The following SLC12A5 variants were observed in gnomAD, a reference collection of about 807,000 sequenced individuals.
The protein encoded by SLC12A5 is K-Cl cotransporter 2.
SLC12A5 carries 18 observed loss-of-function variants against 124.0 expected under a neutral mutation model. The observed-to-expected ratio is 0.15, with a 90% CI of 0.10 to 0.22. SLC12A5 has a LOEUF of 0.22. Among genes scored for constraint, SLC12A5 ranks in the 10% least tolerant of loss-of-function variants. The pLI is 1.00. For missense variants in SLC12A5, 867 were observed against 1,478.7 expected (o/e 0.59, Z 6.78); for synonymous variants, 589 against 568.0 (o/e 1.04, Z -0.53).
upstream of SLC12A5, among the ~76,000 whole-genome samples, chr20:46,028,437 C>A (rs1481840183): frequency 6.6e-6 from 1 of 152,126 alleles, no homozygotes; most frequent in Admixed American, 6.5e-5. Context: ...TCAGAAGGTC[C>A]CTGGCTGTGG....
chr20:46,041,265 TGTATTG>T, intron 7 of SLC12A5, 58 bp from the exon 8 acceptor site: 1 of 1,425,868 alleles, frequency 7.0e-7, no homozygotes, highest in Middle Eastern at 2.3e-4. Flanking sequence ...TCCCGGTGGC[TGTATTG>T]TGCAGCGAGG....
At position 46,058,121 on chromosome 20, in the gene SLC12A5, T is replaced by C. The variant is rs2145510499; in HGVS notation, c.*516T>C. ...GGGCGCGGGCGGCCGAGCCTATACATAGTGTACAGGAGACATCGCGTGTAT... is the reference window on the plus strand; with the variant it reads ...GGGCGCGGGCGGCCGAGCCTATACACAGTGTACAGGAGACATCGCGTGTAT... On this transcript the variant is annotated 3_prime_UTR_variant, in exon 26 of 26. Coordinates refer to ENST00000243964, the MANE Select transcript of SLC12A5 (RefSeq NM_020708.5). This position sits in a 1 kb window ranked among gnomAD's most constrained non-coding sequence, Gnocchi z 5.8. The C allele has an allele frequency of 5.4e-6, 1 of 184,040 alleles. No individual in the cohort carries two copies. Among genetic ancestry groups the C allele is most frequent in the African/African-American group, 2.3e-5 (1 of 42,732 alleles). 11.4% of individuals were successfully genotyped at this position (184,040 alleles called of 1,614,324 possible). A position where few individuals can be genotyped will look rare whatever the true frequency, so the allele number is the denominator to read the frequency against.
At chr20:46,036,694 T>C in intron 4 of SLC12A5, 47 bp from the exon 5 acceptor site, 2 of 1,610,316 alleles carry the variant, frequency 1.2e-6, no homozygotes, top group Non-Finnish European at 1.7e-6. Context: ...CCCAGGCCAC[T>C]GCGGCCCCTA....
intron 1 of SLC12A5, 90 bp downstream of exon 1, chr20:46,029,486 C>G: frequency 7.3e-7 from 1 of 1,379,010 alleles, no homozygotes; most frequent in African/African-American, 1.4e-5. Flanking sequence ...CCACCTCCTT[C>G]AGAGAGGAGG....
Position 46,049,653 on chromosome 20 carries a change from C to G in SLC12A5, c.2044C>G (p.Gln682Glu), listed in dbSNP as rs1244371557. ...PQLLVLVRVD[Q>E]DQNVVHPQLL... ...GCTGCTGGTGCTGGTGCGTGTGGAC[C>G]AAGACCAGAATGTGGTGCACCCCCA... The change falls in exon 17 of 26, where the codon CAA becomes GAA. Residue 682 changes from glutamine (Q) to glutamate (E), a missense_variant. Gln to Glu is a conservative substitution (Grantham distance 29, BLOSUM62 2). Transcript: ENST00000243964. 1 of 1,606,220 alleles carries G rather than the reference C, an allele frequency of 6.2e-7. No homozygotes were observed. Among genetic ancestry groups the G allele is most frequent in the Non-Finnish European group, 8.5e-7 (1 of 1,176,644 alleles).
chr20:46,024,564 C>T (rs2084380901), upstream of SLC12A5, among the ~76,000 whole-genome samples: 1 of 152,178 alleles, frequency 6.6e-6, no homozygotes, highest in Non-Finnish European at 1.5e-5. Context: ...GGGATAGCAG[C>T]ATGTCTAAGA....
At chr20:46,027,750 A>G (rs2084412226), upstream of SLC12A5, 1 of 152,212 alleles carries the variant, frequency 6.6e-6, no homozygotes, top group African/African-American at 2.4e-5. Flanking sequence ...TATAAGTTCT[A>G]TCAATGAAGA....
intron 1 of SLC12A5, 126 bp downstream of exon 1, chr20:46,029,522 C>A: frequency 9.9e-7 from 1 of 1,012,466 alleles, no homozygotes; most frequent in East Asian, 2.8e-5. Flanking sequence ...GCGGTGGGCG[C>A]CAGTTGCAGC....
chr20:46,029,387 G>A lies in SLC12A5; in HGVS notation c.43G>A (p.Ala15Thr). ...GGACTGCGAGGACGGCGATGGGGGA[G>A]CCAACCCGGGTAAGCTGTGGTCCGG... ...LTDCEDGDGG[A>T]NPGDGNPKES... The change falls in exon 1 of 26, where the codon GCC becomes ACC. Residue 15 changes from alanine to threonine, a missense_variant. By Grantham distance (58) the Ala-to-Thr change is moderately conservative (BLOSUM62 0). This residue lies in a region of SLC12A5 where 58 missense variants were observed against 52.2 expected (regional missense o/e 1.11). Transcript: ENST00000243964. The A allele has an allele frequency of 6.5e-7, 1 of 1,549,446 alleles. No homozygotes were observed.
At chr20:46,048,600 G>A (rs575048688) in intron 16 of SLC12A5, among the ~76,000 whole-genome samples, 7 of 152,220 alleles carry the variant, frequency 4.6e-5, no homozygotes, top group African/African-American at 1.7e-4. Context: ...TGCCGAGCGC[G>A]GTGGCTCATG....
Position 46,046,428 on chromosome 20 carries a change from T to G in SLC12A5, c.1779T>G (p.Tyr593Ter). The change falls in exon 14 of 26, where the codon TAT (tyrosine) becomes TAG (stop). Residue 593 changes from tyrosine (Y) to a stop codon, truncating the protein, a stop_gained. Coordinates refer to ENST00000243964, the MANE Select transcript of SLC12A5 (RefSeq NM_020708.5). LOFTEE classifies it high-confidence loss of function. ...RTPNWRPRFRYYHWTLSFLGM... is the reference protein window; with the variant it reads ...RTPNWRPRFR ...CCAACTGGAGGCCACGCTTTCGATA[T>G]TACCACTGGTGGGTGCTCTGTCCCC... 1 of 1,614,122 alleles carries G rather than the reference T, an allele frequency of 6.2e-7. No homozygotes were observed. Among genetic ancestry groups the G allele is most frequent in the Non-Finnish European group, 8.5e-7 (1 of 1,179,968 alleles).
upstream of SLC12A5, among the ~76,000 whole-genome samples, chr20:46,026,122 C>T (rs1347067142): frequency 6.6e-6 from 1 of 152,184 alleles, no homozygotes. Context: ...CATTTTCAGA[C>T]TCCAATTTCA....
chr20:46,029,348 C>A lies in SLC12A5; in HGVS notation c.4C>A (p.Leu2Ile). The A allele has an allele frequency of 6.5e-7, 1 of 1,548,452 alleles. No individual in the cohort carries two copies. Among genetic ancestry groups the A allele is most frequent in the Non-Finnish European group, 8.7e-7 (1 of 1,146,052 alleles). M[L>I]NNLTDCEDGD... ...GACCAGGGGCCGCGCCGCCACCATG[C>A]TAAACAACCTGACGGACTGCGAGGA... Residue 2 changes from leucine (L) to isoleucine (I), a missense_variant, in exon 1 of 26, where the codon CTA (leucine) becomes ATA (isoleucine). By Grantham distance (5) the Leu-to-Ile change is conservative. Around this residue, in one of 9 missense-constraint regions of SLC12A5, gnomAD observed 58 missense variants for 52.2 expected, o/e 1.11. Transcript: ENST00000243964.
chr20:46,056,786 G>C lies in SLC12A5; in HGVS notation c.3111-111G>C. 1 of 1,286,268 alleles carries C rather than the reference G, an allele frequency of 7.8e-7. No homozygotes were observed. Among genetic ancestry groups the C allele is most frequent in the Non-Finnish European group, 1.1e-6 (1 of 888,690 alleles). 79.7% of individuals were successfully genotyped at this position (1,286,268 alleles called of 1,614,324 possible). A position where few individuals can be genotyped will look rare whatever the true frequency, so the allele number is the denominator to read the frequency against. On this transcript the variant is annotated intron_variant, in intron 23 of 25. Coordinates refer to ENST00000243964, the MANE Select transcript of SLC12A5 (RefSeq NM_020708.5). This position sits in a 1 kb window ranked among gnomAD's most constrained non-coding sequence, Gnocchi z 4.3. ...CGGAAAGGTGAAGGGTGTGGGGGCT[G>C]GCAGAGCAGGACTCAGGGCAGATGA...
At chr20:46,022,977 AGAGGAG>A (rs1160025944) in exon 2 of SLC12A5, 1 of 251,308 alleles carries the variant, frequency 4.0e-6, no homozygotes. Context: ...AGGAGGAGGA[AGAGGAG>A]GAGGAGGAAG....
chr20:46,035,654 A>G, intron 3 of SLC12A5, 119 bp downstream of exon 3: 1 of 1,504,160 alleles, frequency 6.6e-7, no homozygotes, highest in Non-Finnish European at 8.9e-7. Flanking sequence ...CAGAAAGAAG[A>G]GGGATGAAGG....
chr20:46,052,812 G>A (rs1439057833), intron 18 of SLC12A5, 145 bp from the exon 19 acceptor site: 4 of 799,894 alleles, frequency 5.0e-6, no homozygotes. Context: ...AGTAGATGCT[G>A]GTTTTCTGAC....
Position 46,056,377 on chromosome 20 carries a change from C to T in SLC12A5, c.2923C>T (p.His975Tyr). The T allele has an allele frequency of 6.2e-7, 1 of 1,610,552 alleles. No individual in the cohort carries two copies. Among genetic ancestry groups the T allele is most frequent in the Non-Finnish European group, 8.5e-7 (1 of 1,177,960 alleles). ...EKPEEEVQLI[H>Y]DQSAPSCPSS... ...ATTCATCCCTCAGGTGCAGCTGATC[C>T]ACGATCAGAGTGCTCCCAGCTGCCC... The change falls in exon 23 of 26, where the codon CAC becomes TAC. Residue 975 changes from histidine to tyrosine, a missense_variant. By Grantham distance (83) the His-to-Tyr change is moderately conservative. Coordinates refer to ENST00000243964, the MANE Select transcript of SLC12A5 (RefSeq NM_020708.5). The surrounding 1 kb of genome is among the most constrained non-coding windows in gnomAD (Gnocchi z 4.3).
downstream of SLC12A5, among the ~76,000 whole-genome samples, chr20:46,023,849 G>A (rs1311783727): frequency 6.6e-6 from 1 of 152,132 alleles, no homozygotes; most frequent in East Asian, 1.9e-4. Context: ...TGTGTTCTGA[G>A]TTCCAGACCC....
Sources: gnomAD v4.1 joint callset for allele counts (sites outside exome capture counted in the v4.1 genomes callset) on GRCh38, gnomAD v4.1.1 for gene constraint, gnomAD v4.1.1 regional missense constraint, Gnocchi (gnomAD v3.1) non-coding constraint, MANE v1.5 for transcripts, NCBI Gene and HGNC (gene_info 2026-07-23, HGNC 2026-07-21) for gene names.